The following ZFR variants were observed in gnomAD, a reference collection of about 807,000 sequenced individuals.
ZFR encodes the protein zinc finger RNA binding protein.
Under a neutral mutation model 130.7 loss-of-function variants are expected in ZFR, and 19 were observed. The observed-to-expected ratio is 0.15, with a 90% CI of 0.10 to 0.21. ZFR has a LOEUF of 0.21. Among genes scored for constraint, ZFR ranks in the 10% least tolerant of loss-of-function variants. The probability of loss-of-function intolerance (pLI) is 1.00; values close to 1 mark genes in which losing one functional copy is unlikely to be tolerated. For missense variants in ZFR, 872 were observed against 1,321.5 expected (o/e 0.66, Z 5.27); for synonymous variants, 466 against 456.9 (o/e 1.02, Z -0.25).
rs956773712 is a variant in ZFR, at chr5:32,440,611, C to T, written c.137+3618G>A. Among the ~76,000 whole-genome samples, 11 of 151,412 alleles carry T rather than the reference C, an allele frequency of 7.3e-5. 1 individual carries two copies. The highest frequency in any genetic ancestry group is 7.2e-4 in the Admixed American group (11 of 15,200). ...GCAGTGAGCCAAGATCGTGCCATTGCACTCCAGCCTGGGTGACAGAAGGAG... is the reference window on the plus strand; with the variant it reads ...GCAGTGAGCCAAGATCGTGCCATTGTACTCCAGCCTGGGTGACAGAAGGAG... On this transcript the variant is annotated intron_variant, in intron 2 of 19. Coordinates refer to ENST00000265069, the MANE Select transcript of ZFR (RefSeq NM_016107.5).
At position 32,366,004 on chromosome 5, in the gene ZFR, T is replaced by C. The variant is rs535386807; in HGVS notation, c.2836-1729A>G. On this transcript the variant is annotated intron_variant, in intron 17 of 19. Transcript: ENST00000265069. Reference sequence around the variant, plus strand: ...AAACTCTATGTGTATGTATGGAATATGCATGTGTATGGAATATTTTAAGAT... The same window carrying C: ...AAACTCTATGTGTATGTATGGAATACGCATGTGTATGGAATATTTTAAGAT... Among the ~76,000 whole-genome samples the C allele has an allele frequency of 4.3e-4, 66 of 152,322 alleles. 1 individual carries two copies. The highest frequency in any genetic ancestry group is 1.5e-3 in the African/African-American group (63 of 41,576).
intron 10 of ZFR, among the ~76,000 whole-genome samples, chr5:32,395,911 G>A (rs1753295853): frequency 6.6e-6 from 1 of 152,094 alleles, no homozygotes; most frequent in Admixed American, 6.5e-5. Context: ...AAGGCTTCTG[G>A]TCATTAGTAG....
At chr5:32,377,741 T>C (rs1433157950) in intron 17 of ZFR, among the ~76,000 whole-genome samples, 1 of 151,850 alleles carries the variant, frequency 6.6e-6, no homozygotes, top group Non-Finnish European at 1.5e-5. Context: ...AGACTAGAGA[T>C]AGTGGCACAA....
chr5:32,438,505 T>C (rs1299757112), intron 2 of ZFR, among the ~76,000 whole-genome samples: 1 of 152,044 alleles, frequency 6.6e-6, no homozygotes, highest in Non-Finnish European at 1.5e-5. Context: ...TCAAGTGATC[T>C]GCCCACCTCG....
intron 15 of ZFR, among the ~76,000 whole-genome samples, chr5:32,382,259 C>T (rs529673654): frequency 2.6e-5 from 4 of 152,094 alleles, no homozygotes; most frequent in African/African-American, 4.8e-5. Flanking sequence ...TGCAGTGAGC[C>T]GAGATTGTGC....
rs376786229 is a variant in ZFR at position 32,416,784 on chromosome 5, G to A, written c.565+864C>T. 7.9e-5 allele frequency among the ~76,000 whole-genome samples: 12 copies of A among 152,034 alleles called. No homozygotes were observed. In the South Asian group the frequency reaches 2.3e-3, roughly 29 times the overall value. On this transcript the variant is annotated intron_variant, in intron 4 of 19. Transcript: ENST00000265069. Reference sequence around the variant, plus strand: ...AGGTAAGAGAACAGAGATAAGAGAGGTAAAAAATCACTTGCCCACATTAGC... The same window carrying A: ...AGGTAAGAGAACAGAGATAAGAGAGATAAAAAATCACTTGCCCACATTAGC...
Position 32,420,122 on chromosome 5 carries a change from G to T in ZFR, c.138-19C>A. On this transcript the variant is annotated intron_variant, in intron 2 of 19. Coordinates refer to ENST00000265069, the MANE Select transcript of ZFR (RefSeq NM_016107.5). ...CTGCTGGCTACATTGTGGAGTACAA[G>T]AATAAATATAATACAATTTTAATAT... The T allele has an allele frequency of 6.7e-7, 1 of 1,496,422 alleles. No individual in the cohort carries two copies. Among genetic ancestry groups the T allele is most frequent in the South Asian group, 1.4e-5 (1 of 73,860 alleles). The allele number at this position is 1,496,422 out of a possible 1,614,324, so 92.7% of individuals were successfully genotyped here. A position where few individuals can be genotyped will look rare whatever the true frequency, so the allele number is the denominator to read the frequency against.
intron 8 of ZFR, 139 bp from the exon 9 acceptor site, chr5:32,400,342 A>G: frequency 1.7e-6 from 1 of 599,480 alleles, no homozygotes; most frequent in East Asian, 3.2e-5. Context: ...AGAATTTTGA[A>G]GAACTACATA....
chr5:32,418,927 G>C (rs1375079863), intron 3 of ZFR, among the ~76,000 whole-genome samples: 3 of 152,154 alleles, frequency 2.0e-5, no homozygotes, highest in Non-Finnish European at 4.4e-5. Flanking sequence ...TAAGGAGAAT[G>C]TAGAATTCCT....
At chr5:32,440,681 G>GA (rs1298655664) in intron 2 of ZFR, among the ~76,000 whole-genome samples, 13 of 148,960 alleles carry the variant, frequency 8.7e-5, no homozygotes, top group African/African-American at 2.0e-4. Context: ...TACAAAACAG[G>GA]AAAAAAAAAA....
intron 12 of ZFR, among the ~76,000 whole-genome samples, chr5:32,389,008 C>T (rs1028596133): frequency 6.6e-6 from 1 of 152,210 alleles, no homozygotes; most frequent in Non-Finnish European, 1.5e-5. Context: ...TCAAGTCTTA[C>T]AACTGCCAAC....
intron 1 of ZFR, 106 bp downstream of exon 1, chr5:32,444,516 C>G (rs1754560929): frequency 6.7e-6 from 9 of 1,347,428 alleles, no homozygotes; most frequent in Non-Finnish European, 8.7e-6. Context: ...GCCCGGGTGG[C>G]GGCCGCCGCC....
intron 2 of ZFR, among the ~76,000 whole-genome samples, chr5:32,429,838 G>T (rs1215021704): frequency 6.6e-6 from 1 of 152,108 alleles, no homozygotes; most frequent in Non-Finnish European, 1.5e-5. Context: ...GGAGGTCAAA[G>T]GGGGAGAATC....
chr5:32,394,297 G>T (rs1432691457), intron 11 of ZFR: 1 of 167,258 alleles, frequency 6.0e-6, no homozygotes, highest in Non-Finnish European at 1.5e-5. Flanking sequence ...ATGGAATACT[G>T]AAACATGTTA....
At chr5:32,399,091 T>C (rs1753383625) in intron 9 of ZFR, among the ~76,000 whole-genome samples, 1 of 151,730 alleles carries the variant, frequency 6.6e-6, no homozygotes, top group Non-Finnish European at 1.5e-5. Context: ...CTGGCCAACA[T>C]AGTGAAACCC....
intron 11 of ZFR, among the ~76,000 whole-genome samples, 194 bp from the exon 12 acceptor site, chr5:32,390,631 G>A (rs1753147131): frequency 6.6e-6 from 1 of 152,184 alleles, no homozygotes; most frequent in Non-Finnish European, 1.5e-5. Flanking sequence ...ATGAAAAGCA[G>A]AAAATTTCAG....
At chr5:32,370,351 G>GAGAGAC (rs1240679335) in intron 17 of ZFR, among the ~76,000 whole-genome samples, 24 of 1,654 alleles carry the variant, frequency 0.015, no homozygotes, top group Non-Finnish European at 0.033. Context: ...GAGAGAGAGA[G>GAGAGAC]AGACAGACAG....
intron 10 of ZFR, among the ~76,000 whole-genome samples, chr5:32,396,087 C>T (rs1753302343): frequency 6.6e-6 from 1 of 151,902 alleles, no homozygotes; most frequent in Admixed American, 6.6e-5. Context: ...GGCATGGTGG[C>T]ACATGCCTGT....
At chr5:32,386,743 A>G (rs1753054701) in intron 14 of ZFR, among the ~76,000 whole-genome samples, 1 of 152,152 alleles carries the variant, frequency 6.6e-6, no homozygotes, top group African/African-American at 2.4e-5. Context: ...TAAGTTTAAT[A>G]GTGTGCTTCA....
Sources: allele counts gnomAD v4.1 joint callset (sites outside exome capture counted in the v4.1 genomes callset), GRCh38; gene constraint gnomAD v4.1.1; transcripts MANE v1.5; gene names NCBI Gene and HGNC (gene_info 2026-07-23, HGNC 2026-07-21).